The following GNG12 variants were observed in gnomAD, a reference collection of about 807,000 sequenced individuals.
The protein encoded by GNG12 is guanine nucleotide-binding protein G(I)/G(S)/G(O) subunit gamma-12.
For missense variants in GNG12, 69 were observed against 83.8 expected (o/e 0.82, Z 0.69); for synonymous variants, 28 against 29.7 (o/e 0.94, Z 0.19).
chr1:67,782,960 C>A (rs1646745730), intron 1 of GNG12, among the ~76,000 whole-genome samples: 1 of 152,140 alleles, frequency 6.6e-6, no homozygotes, highest in Non-Finnish European at 1.5e-5. Flanking sequence ...TTGGACAGAT[C>A]TAGGTTTGAA....
chr1:67,802,604 G>C (rs142550758), intron 1 of GNG12, among the ~76,000 whole-genome samples: 104 of 152,234 alleles, frequency 6.8e-4, no homozygotes, highest in Middle Eastern at 6.8e-3. Context: ...AAATCATTAG[G>C]GAGAGCATCA....
intron 1 of GNG12, among the ~76,000 whole-genome samples, chr1:67,809,072 T>G (rs1178763918): frequency 1.3e-5 from 2 of 152,180 alleles, no homozygotes; most frequent in Non-Finnish European, 2.9e-5. Context: ...AGTGTGGTAT[T>G]AGTAAAGAAA....
intron 1 of GNG12, among the ~76,000 whole-genome samples, chr1:67,821,206 G>C (rs556561143): frequency 7.2e-4 from 110 of 152,282 alleles, no homozygotes; most frequent in Admixed American, 1.9e-3. Context: ...AAGGGACTTT[G>C]CATTATGCAA....
chr1:67,793,951 G>A (rs1241466140), intron 1 of GNG12, among the ~76,000 whole-genome samples: 1 of 152,046 alleles, frequency 6.6e-6, no homozygotes, highest in African/African-American at 2.4e-5. Flanking sequence ...TTTTGAATTC[G>A]TTTACTCTTT....
chr1:67,770,220 G>A (rs896387667), intron 2 of GNG12, among the ~76,000 whole-genome samples: 1 of 152,214 alleles, frequency 6.6e-6, no homozygotes, highest in African/African-American at 2.4e-5. Flanking sequence ...GGAAAGCAAT[G>A]GAGGATTCTG....
chr1:67,752,422 T>C (rs1389115034), intron 2 of GNG12, among the ~76,000 whole-genome samples: 1 of 152,222 alleles, frequency 6.6e-6, no homozygotes, highest in South Asian at 2.1e-4. Flanking sequence ...ATGCCAAGCA[T>C]GTAGGAGTTT....
chr1:67,774,464 T>C (rs1646693063), intron 2 of GNG12, among the ~76,000 whole-genome samples: 1 of 152,112 alleles, frequency 6.6e-6, no homozygotes, highest in African/African-American at 2.4e-5. Context: ...AGATGGTGAG[T>C]GGAGGAAAGT....
At chr1:67,788,922 G>A (rs1646785117) in intron 1 of GNG12, among the ~76,000 whole-genome samples, 2 of 152,124 alleles carry the variant, frequency 1.3e-5, no homozygotes, top group Non-Finnish European at 2.9e-5. Context: ...AATGAATGAT[G>A]GTGGGACCAT....
intron 2 of GNG12, among the ~76,000 whole-genome samples, chr1:67,726,574 GA>G (rs1646387589): frequency 6.6e-6 from 1 of 152,168 alleles, no homozygotes; most frequent in South Asian, 2.1e-4. Context: ...CAGAATTTAT[GA>G]AACAAATGAG....
chr1:67,755,282 C>T (rs1322083981), intron 2 of GNG12, among the ~76,000 whole-genome samples: 2 of 152,090 alleles, frequency 1.3e-5, no homozygotes, highest in African/African-American at 4.8e-5. Context: ...TGGTAAGTTC[C>T]CTTTGGTTTA....
At chr1:67,822,520 T>G (rs1439002131) in intron 1 of GNG12, among the ~76,000 whole-genome samples, 1 of 152,132 alleles carries the variant, frequency 6.6e-6, no homozygotes. Flanking sequence ...TTGAGATAAG[T>G]GCTAGAAGGA....
At chr1:67,738,507 C>T (rs2100709104) in intron 2 of GNG12, among the ~76,000 whole-genome samples, 1 of 152,320 alleles carries the variant, frequency 6.6e-6, no homozygotes, top group Admixed American at 6.5e-5. Context: ...TCTCCAGCTT[C>T]AACCTCCCCC....
chr1:67,769,401 G>A (rs1244122427), intron 2 of GNG12, among the ~76,000 whole-genome samples: 1 of 152,206 alleles, frequency 6.6e-6, no homozygotes, highest in Non-Finnish European at 1.5e-5. Context: ...ACATGAGCAT[G>A]AAAGAAAACC....
intron 2 of GNG12, among the ~76,000 whole-genome samples, chr1:67,749,044 AGGGGAGGAGGT>A (rs963766108): frequency 2.0e-5 from 3 of 152,050 alleles, no homozygotes; most frequent in Non-Finnish European, 4.4e-5. Flanking sequence ...ACTCCCCTGG[AGGGGAGGAGGT>A]GGGGAACAAC....
chr1:67,725,392 A>T (rs914993560), intron 2 of GNG12, among the ~76,000 whole-genome samples: 2 of 152,198 alleles, frequency 1.3e-5, no homozygotes, highest in African/African-American at 4.8e-5. Flanking sequence ...TCTGTCAAAC[A>T]TGTCTGTACT....
intron 2 of GNG12, among the ~76,000 whole-genome samples, chr1:67,769,199 T>C (rs572486263): frequency 3.4e-3 from 516 of 152,298 alleles, no homozygotes; most frequent in Non-Finnish European, 4.4e-3. Flanking sequence ...CCAGCATGTG[T>C]CACTTGCTCA....
At chr1:67,812,727 T>C (rs534578116) in intron 1 of GNG12, among the ~76,000 whole-genome samples, 1 of 152,332 alleles carries the variant, frequency 6.6e-6, no homozygotes, top group South Asian at 2.1e-4. Flanking sequence ...ATGGTAGCTA[T>C]ATATTAACAA....
intron 1 of GNG12, among the ~76,000 whole-genome samples, chr1:67,807,706 T>C (rs1646901445): frequency 6.6e-6 from 1 of 152,062 alleles, no homozygotes; most frequent in African/African-American, 2.4e-5. Flanking sequence ...ACAAATTTGA[T>C]AACCCAGATG....
chr1:67,796,849 T>C (rs890743096), intron 1 of GNG12, among the ~76,000 whole-genome samples: 4 of 152,182 alleles, frequency 2.6e-5, no homozygotes, highest in African/African-American at 9.7e-5. Context: ...ATAAGAAGCA[T>C]AGTGCTGGCA....
Sources: allele counts gnomAD v4.1 joint callset (sites outside exome capture counted in the v4.1 genomes callset), GRCh38; gene constraint gnomAD v4.1.1; transcripts MANE v1.5; gene names NCBI Gene and HGNC (gene_info 2026-07-23, HGNC 2026-07-21).